The following OR9Q1 variants were observed in gnomAD, a reference collection of about 807,000 sequenced individuals.
OR9Q1 encodes the protein olfactory receptor family 9 subfamily Q member 1.
For synonymous variants in OR9Q1, 153 were observed against 148.6 expected, an observed-to-expected ratio of 1.03 and a Z score of -0.22; for missense variants, 374 against 378.8, an observed-to-expected ratio of 0.99 and a Z score of 0.11.
intron 1 of OR9Q1, among the ~76,000 whole-genome samples, chr11:58,035,310 AAACT>A (rs1442164925): frequency 6.6e-6 from 1 of 152,194 alleles, no homozygotes; most frequent in African/African-American, 2.4e-5. Flanking sequence ...TTTTTGGCAC[AAACT>A]AAGTCCCCAG....
intron 2 of OR9Q1, among the ~76,000 whole-genome samples, chr11:58,100,292 C>A (rs140784166): frequency 9.9e-4 from 151 of 152,264 alleles, no homozygotes; most frequent in Middle Eastern, 3.4e-3. Context: ...AGTGGCTGCT[C>A]TAAAAATGGC....
intron 1 of OR9Q1, among the ~76,000 whole-genome samples, chr11:58,053,609 A>AAAAAAATATATATAT (rs1554965484): frequency 0.072 from 4,918 of 68,342 alleles, 347 homozygotes; most frequent in African/African-American, 0.23. Context: ...AATAAAATTA[A>AAAAAAATATATATAT]AAAATATATA....
intron 2 of OR9Q1, among the ~76,000 whole-genome samples, chr11:58,064,357 G>A (rs903857766): frequency 1.6e-4 from 25 of 152,208 alleles, no homozygotes; most frequent in African/African-American, 6.0e-4. Flanking sequence ...CCTTTTTGAG[G>A]TCATAGCTCT....
At chr11:58,093,543 G>A (rs1422872382) in intron 2 of OR9Q1, among the ~76,000 whole-genome samples, 1 of 151,976 alleles carries the variant, frequency 6.6e-6, no homozygotes, top group Admixed American at 6.6e-5. Context: ...GGCAGATCAC[G>A]AGGTCAGGAG....
intron 1 of OR9Q1, among the ~76,000 whole-genome samples, chr11:58,025,673 C>T (rs2514185): frequency 0.97 from 147,714 of 152,296 alleles, 71,790 homozygotes; most frequent in East Asian, 1. Context: ...ATATTCATTC[C>T]GTTGGGTTAG....
chr11:58,086,267 A>G (rs1853632492), intron 2 of OR9Q1, among the ~76,000 whole-genome samples: 1 of 151,946 alleles, frequency 6.6e-6, no homozygotes, highest in Non-Finnish European at 1.5e-5. Flanking sequence ...AAAAATATTC[A>G]TCATCGCTAA....
In OR9Q1 at chr11:58,179,786, C is replaced by A. The variant is rs377716944; in HGVS notation, c.342C>A (p.Leu114=). The change falls in exon 3 of 3, where the codon CTC becomes CTA. Residue 114 remains leucine (L), a synonymous_variant. Coordinates refer to ENST00000335397, the MANE Select transcript of OR9Q1 (RefSeq NM_001005212.4). ...FTFFGSIDCY[L]LALMAYDRYL... Reference sequence around the variant, plus strand: ...TCTTTGGTTCCATCGACTGCTACCTCTTGGCCCTCATGGCCTATGACCGCT... The same window carrying A: ...TCTTTGGTTCCATCGACTGCTACCTATTGGCCCTCATGGCCTATGACCGCT... The A allele has an allele frequency of 9.9e-5, 159 of 1,614,072 alleles. No homozygotes were observed. In the Middle Eastern group the frequency reaches 3.0e-3, roughly 30 times the overall value.
At chr11:58,042,250 G>A (rs1375872147) in intron 1 of OR9Q1, among the ~76,000 whole-genome samples, 1 of 152,172 alleles carries the variant, frequency 6.6e-6, no homozygotes, top group Non-Finnish European at 1.5e-5. Flanking sequence ...TAATGCCTAG[G>A]TTTTCTTCTA....
At chr11:58,073,071 T>C (rs904255707) in intron 2 of OR9Q1, 1 of 207,946 alleles carries the variant, frequency 4.8e-6, no homozygotes, top group African/African-American at 2.3e-5. Flanking sequence ...GATGCCTGTC[T>C]CATATACATA....
intron 2 of OR9Q1, among the ~76,000 whole-genome samples, chr11:58,091,234 T>G (rs1853681506): frequency 6.6e-6 from 1 of 152,202 alleles, no homozygotes; most frequent in African/African-American, 2.4e-5. Flanking sequence ...AATCGTGATG[T>G]TAGGCTATTG....
chr11:58,045,572 T>C (rs991136910), intron 1 of OR9Q1, among the ~76,000 whole-genome samples: 5 of 152,096 alleles, frequency 3.3e-5, no homozygotes, highest in African/African-American at 1.2e-4. Flanking sequence ...TGGGATTAAA[T>C]AAGACAATGT....
At chr11:58,163,151 T>C (rs1215148627) in intron 2 of OR9Q1, among the ~76,000 whole-genome samples, 1 of 152,232 alleles carries the variant, frequency 6.6e-6, no homozygotes, top group African/African-American at 2.4e-5. Context: ...GCTCAAATTT[T>C]AATTTTAAGG....
chr11:58,127,766 G>T (rs1854103448), intron 2 of OR9Q1, among the ~76,000 whole-genome samples: 1 of 152,150 alleles, frequency 6.6e-6, no homozygotes. Flanking sequence ...TGGGGCTTCT[G>T]ATGCCACTGA....
chr11:58,137,045 G>A (rs1001857090), intron 2 of OR9Q1, among the ~76,000 whole-genome samples: 3 of 152,140 alleles, frequency 2.0e-5, no homozygotes, highest in South Asian at 2.1e-4. Context: ...GTCCTCTGGC[G>A]GCACTGTTAT....
chr11:58,035,637 C>T (rs1565055526), intron 1 of OR9Q1, among the ~76,000 whole-genome samples: 1 of 152,098 alleles, frequency 6.6e-6, no homozygotes, highest in Non-Finnish European at 1.5e-5. Context: ...ACATATTTTC[C>T]TTAGGGGCCA....
At chr11:58,091,083 A>T (rs1166626754) in intron 2 of OR9Q1, among the ~76,000 whole-genome samples, 12 of 150,520 alleles carry the variant, frequency 8.0e-5, no homozygotes, top group South Asian at 2.1e-4. Context: ...AATTTTTTTT[A>T]AAAAAAACAA....
intron 2 of OR9Q1, among the ~76,000 whole-genome samples, chr11:58,166,391 A>G (rs564345593): frequency 6.6e-6 from 1 of 152,278 alleles, no homozygotes; most frequent in East Asian, 1.9e-4. Context: ...ACATTTATTT[A>G]CTTTTTGTAT....
intron 2 of OR9Q1, among the ~76,000 whole-genome samples, chr11:58,138,198 T>C (rs1854207530): frequency 6.6e-6 from 1 of 152,180 alleles, no homozygotes; most frequent in African/African-American, 2.4e-5. Context: ...AGCAGAGACC[T>C]AAAAGTGTCT....
At chr11:58,089,186 T>A (rs567752310) in intron 2 of OR9Q1, among the ~76,000 whole-genome samples, 1 of 151,936 alleles carries the variant, frequency 6.6e-6, no homozygotes, top group East Asian at 1.9e-4. Flanking sequence ...CCGTTGCAAT[T>A]GGATTTAGTG....
Sources: gnomAD v4.1 joint callset for allele counts (sites outside exome capture counted in the v4.1 genomes callset) on GRCh38, gnomAD v4.1.1 for gene constraint, MANE v1.5 for transcripts, NCBI Gene and HGNC (gene_info 2026-07-23, HGNC 2026-07-21) for gene names.